The following FUT9 variants were observed in gnomAD, a reference collection of about 807,000 sequenced individuals.
The protein encoded by FUT9 is 4-galactosyl-N-acetylglucosaminide 3-alpha-L-fucosyltransferase 9.
In FUT9, 15 loss-of-function variants were observed where a neutral mutation model predicts 29.7. The ratio of observed to expected loss-of-function variants is 0.51; its 90% CI spans 0.34 to 0.78. The LOEUF (loss-of-function observed/expected upper bound fraction) is 0.78. Ranked by LOEUF, FUT9 falls within the 30% of genes least tolerant of loss-of-function variation. The pLI, the probability that FUT9 is intolerant of heterozygous loss-of-function variation, is 0.01. For synonymous variants in FUT9, 169 were observed against 153.7 expected, an observed-to-expected ratio of 1.10 and a Z score of -0.74; for missense variants, 319 against 425.4, an observed-to-expected ratio of 0.75 and a Z score of 2.20.
intron 1 of FUT9, among the ~76,000 whole-genome samples, chr6:96,052,622 G>GA (rs766249492): frequency 6.1e-4 from 93 of 152,286 alleles, no homozygotes; most frequent in Non-Finnish European, 1.3e-3. Flanking sequence ...GTGGCTCAAA[G>GA]AAAATAGGAT....
intron 1 of FUT9, among the ~76,000 whole-genome samples, chr6:96,106,041 C>G (rs1041478182): frequency 1.3e-5 from 2 of 152,132 alleles, no homozygotes; most frequent in Non-Finnish European, 2.9e-5. Context: ...CAATGAATGT[C>G]AGCTTCTTGT....
At chr6:96,140,811 T>C (rs1175465471) in intron 2 of FUT9, among the ~76,000 whole-genome samples, 1 of 152,226 alleles carries the variant, frequency 6.6e-6, no homozygotes, top group Non-Finnish European at 1.5e-5. Context: ...CATGCTGAGA[T>C]TATGATCTAC....
At chr6:96,079,954 A>G (rs956269630) in intron 1 of FUT9, among the ~76,000 whole-genome samples, 1 of 152,066 alleles carries the variant, frequency 6.6e-6, no homozygotes, top group African/African-American at 2.4e-5. Context: ...AATGATTCTC[A>G]CCAAAAATAT....
chr6:96,202,793 C>A (rs1307222589), intron 2 of FUT9, among the ~76,000 whole-genome samples: 1 of 152,008 alleles, frequency 6.6e-6, no homozygotes, highest in Non-Finnish European at 1.5e-5. Context: ...GATGTGGTTA[C>A]AAAATACTAA....
chr6:96,084,044 A>G (rs1027092802), intron 1 of FUT9, among the ~76,000 whole-genome samples: 5 of 152,070 alleles, frequency 3.3e-5, no homozygotes, highest in Admixed American at 6.6e-5. Context: ...TGTACTTGTC[A>G]ATTGAGTAGA....
intron 2 of FUT9, among the ~76,000 whole-genome samples, chr6:96,198,123 T>TTA (rs1773660215): frequency 2.0e-5 from 3 of 150,954 alleles, no homozygotes; most frequent in Non-Finnish European, 4.4e-5. Flanking sequence ...CCTTTTTTTT[T>TTA]ATTATTATTG....
intron 1 of FUT9, among the ~76,000 whole-genome samples, chr6:96,034,972 GC>G (rs1770325508): frequency 6.6e-6 from 1 of 151,714 alleles, no homozygotes. Context: ...GAGGAGATAA[GC>G]AAATGATTTA....
chr6:96,199,364 G>A (rs1286828116), intron 2 of FUT9, among the ~76,000 whole-genome samples: 1 of 152,112 alleles, frequency 6.6e-6, no homozygotes, highest in African/African-American at 2.4e-5. Context: ...AGAGGTTACT[G>A]AGTAACTGCC....
At chr6:96,052,662 A>G (rs1288838853) in intron 1 of FUT9, among the ~76,000 whole-genome samples, 2 of 152,212 alleles carry the variant, frequency 1.3e-5, no homozygotes, top group Non-Finnish European at 2.9e-5. Flanking sequence ...GAATTTTCCA[A>G]TGGAACTAAC....
At chr6:96,062,741 G>A (rs1319837237) in intron 1 of FUT9, among the ~76,000 whole-genome samples, 1 of 152,142 alleles carries the variant, frequency 6.6e-6, no homozygotes, top group East Asian at 1.9e-4. Flanking sequence ...TTTACAATGA[G>A]TAGGTAATGT....
intron 2 of FUT9, among the ~76,000 whole-genome samples, chr6:96,142,208 G>A (rs1772476094): frequency 6.6e-6 from 1 of 152,092 alleles, no homozygotes; most frequent in African/African-American, 2.4e-5. Context: ...AAATTTCTAG[G>A]TCCTGAAGTT....
intron 2 of FUT9, among the ~76,000 whole-genome samples, chr6:96,143,775 T>G (rs1438180156): frequency 6.6e-6 from 1 of 152,176 alleles, no homozygotes; most frequent in East Asian, 1.9e-4. Context: ...AGTCACTGTT[T>G]GTTTGCACAG....
intron 2 of FUT9, among the ~76,000 whole-genome samples, chr6:96,133,195 G>A (rs528262519): frequency 5.3e-5 from 8 of 151,774 alleles, no homozygotes; most frequent in Non-Finnish European, 4.4e-5. Context: ...CGTGTGTACT[G>A]GGTAATAATA....
At chr6:96,019,987 G>A (rs1259987234) in intron 1 of FUT9, among the ~76,000 whole-genome samples, 1 of 152,058 alleles carries the variant, frequency 6.6e-6, no homozygotes, top group Non-Finnish European at 1.5e-5. Context: ...CAGTATTAAT[G>A]TTAAAGAAAT....
intron 1 of FUT9, among the ~76,000 whole-genome samples, chr6:96,080,221 T>TA (rs34898338): frequency 4.0e-5 from 6 of 151,164 alleles, no homozygotes; most frequent in African/African-American, 1.2e-4. Context: ...ATTGTGTTTC[T>TA]AAAAAAAAAG....
chr6:96,167,994 T>C (rs1773044749), intron 2 of FUT9, among the ~76,000 whole-genome samples: 1 of 152,156 alleles, frequency 6.6e-6, no homozygotes. Context: ...TTCCTGCTAA[T>C]TGGATACACA....
intron 2 of FUT9, among the ~76,000 whole-genome samples, chr6:96,138,632 G>A (rs112706646): frequency 1.2e-4 from 18 of 152,250 alleles, no homozygotes; most frequent in African/African-American, 3.4e-4. Flanking sequence ...TTATATCATC[G>A]TATAGTCTGT....
At chr6:96,080,614 T>C (rs1466575928) in intron 1 of FUT9, among the ~76,000 whole-genome samples, 1 of 152,038 alleles carries the variant, frequency 6.6e-6, no homozygotes, top group Non-Finnish European at 1.5e-5. Flanking sequence ...ATAACTCATT[T>C]ATTCAAACTT....
chr6:96,110,875 C>T (rs756957281), intron 1 of FUT9, among the ~76,000 whole-genome samples: 15 of 136,542 alleles, frequency 1.1e-4, no homozygotes, highest in Non-Finnish European at 2.3e-4. Context: ...GTTAGCCAAA[C>T]TGGTCTTGAA....
Sources: gnomAD v4.1 joint callset for allele counts (sites outside exome capture counted in the v4.1 genomes callset) on GRCh38, gnomAD v4.1.1 for gene constraint, MANE v1.5 for transcripts, NCBI Gene and HGNC (gene_info 2026-07-23, HGNC 2026-07-21) for gene names.